PCM1: variants seen among roughly 807,000 people sequenced by gnomAD.
PCM1 encodes pericentriolar material 1 protein.
In PCM1, 157 loss-of-function variants were observed where a neutral mutation model predicts 241.9. The observed-to-expected ratio is 0.65, with a 90% confidence interval of 0.57 to 0.74. PCM1 has a LOEUF of 0.74. Among genes scored for constraint, PCM1 ranks in the 30% least tolerant of loss-of-function variants. The probability of loss-of-function intolerance (pLI) is 0.00; values close to 1 mark genes in which losing one functional copy is unlikely to be tolerated. For synonymous variants in PCM1, 1,085 were observed against 784.9 expected (o/e 1.38, Z -6.39); for missense variants, 3,478 against 2,360.1 (o/e 1.47, Z -9.81).
Position 17,956,672 on chromosome 8 carries a change from C to T in PCM1, c.1541C>T (p.Ser514Leu), listed in dbSNP as rs1458460626. ...TTAGTTCATTATTATGAACAAACGT[C>T]AGACATGATGACAGATGCTGTGAAT... ...RELVHYYEQT[S>L]DMMTDAVNEN... The change falls in exon 11 of 39, where the codon TCA becomes TTA. Residue 514 changes from serine (S) to leucine (L), a missense_variant. Physicochemically the swap from Ser to Leu is moderately radical, Grantham distance 145. Coordinates refer to ENST00000325083, the MANE Select transcript of PCM1 (RefSeq NM_006197.4). 6.2e-7 allele frequency: 1 copy of T among 1,601,486 alleles called. No individual in the cohort carries two copies. Among genetic ancestry groups the T allele is most frequent in the African/African-American group, 1.3e-5 (1 of 74,836 alleles).
chr8:17,979,591 A>G (rs980491296), intron 23 of PCM1, among the ~76,000 whole-genome samples: 5 of 152,346 alleles, frequency 3.3e-5, no homozygotes, highest in Middle Eastern at 6.8e-3. Flanking sequence ...TTTAACAAGG[A>G]AAGTACTAGG....
rs200080883 is a variant in PCM1 at position 17,939,716 on chromosome 8, G to A, written c.638G>A (p.Arg213His). ...SQIVSRLVQI[R>H]DYITKASSMR... ...ATTGTAAGCAGGCTTGTTCAAATTC[G>A]CGATTATATTACTAAAGCTAGTTCC... is the stretch of plus-strand genomic sequence containing the variant. The change falls in exon 6 of 39, where the codon CGC becomes CAC. Residue 213 changes from arginine to histidine, a missense_variant. Arg to His is a conservative substitution (Grantham distance 29). Coordinates refer to ENST00000325083, the MANE Select transcript of PCM1 (RefSeq NM_006197.4). 368 of 1,536,684 alleles carry A rather than the reference G, an allele frequency of 2.4e-4. No homozygotes were observed. Among genetic ancestry groups the A allele is most frequent in the Middle Eastern group, 5.1e-4 (3 of 5,868 alleles).
At chr8:18,027,048 A>G (rs970679923) in intron 38 of PCM1, among the ~76,000 whole-genome samples, 1 of 152,210 alleles carries the variant, frequency 6.6e-6, no homozygotes, top group African/African-American at 2.4e-5. Flanking sequence ...ATCAGGATCA[A>G]AGGGTTTTCT....
rs1013053691 is a variant in PCM1, at chr8:17,950,646, C to T, written c.993C>T (p.Gly331=). The T allele has an allele frequency of 6.2e-6, 10 of 1,603,816 alleles. No individual in the cohort carries two copies. Among genetic ancestry groups the T allele is most frequent in the African/African-American group, 4.0e-5 (3 of 74,764 alleles). ...CAGAAACTGCAGGTAGCTTATCTGG[C>T]GTCAGTATCACATCTGAACTAAATG... is the stretch of plus-strand genomic sequence containing the variant. ...VVAETAGSLS[G]VSITSELNEE... The change falls in exon 8 of 39, where the codon GGC becomes GGT. Residue 331 remains glycine (G), a synonymous_variant. Coordinates refer to ENST00000325083, the MANE Select transcript of PCM1 (RefSeq NM_006197.4).
chr8:17,972,392 A>G lies in PCM1; in HGVS notation c.3648A>G (p.Glu1216=), dbSNP rs1354529209. 1 of 1,600,676 alleles carries G rather than the reference A, an allele frequency of 6.2e-7. No homozygotes were observed. The highest frequency in any genetic ancestry group is 2.2e-5 in the East Asian group (1 of 44,668). ...GGACACCATGGTTATATGAACAAGA[A>G]GGTGAAGTAGAGAAACCATTTATCA... ...SSRTPWLYEQ[E]GEVEKPFIKT... is the part of the protein sequence containing the mutation. Residue 1216 remains glutamate, a synonymous_variant, in exon 23 of 39, where the codon GAA becomes GAG. Coordinates refer to ENST00000325083, the MANE Select transcript of PCM1 (RefSeq NM_006197.4).
At chr8:17,939,947 GGAGTT>G (rs2061544420) in intron 6 of PCM1, 86 bp downstream of exon 6, 1 of 1,101,482 alleles carries the variant, frequency 9.1e-7, no homozygotes. Context: ...CCACCCCAGA[GGAGTT>G]AACATATTTT....
chr8:18,020,774 C>CCAAT (rs1349482543), intron 36 of PCM1, among the ~76,000 whole-genome samples: 1 of 152,124 alleles, frequency 6.6e-6, no homozygotes, highest in Non-Finnish European at 1.5e-5. Context: ...TAGCAAAATG[C>CCAAT]CAATCATTTT....
Position 17,966,441 on chromosome 8 carries a change from T to C in PCM1, c.3189T>C (p.Thr1063=). ...TGCACCAGTTGAACCAGTGCTATACTCAGCTAACATGGCAACAGAATAATG... is the reference window on the plus strand; with the variant it reads ...TGCACCAGTTGAACCAGTGCTATACCCAGCTAACATGGCAACAGAATAATG... ...FIMHQLNQCY[T]QLTWQQNNVQ... is the part of the protein sequence containing the mutation. Residue 1063 remains threonine (T), a synonymous_variant, in exon 20 of 39, where the codon ACT becomes ACC. Transcript: ENST00000325083. The C allele has an allele frequency of 6.2e-7, 1 of 1,613,788 alleles. No homozygotes were observed.
intron 2 of PCM1, among the ~76,000 whole-genome samples, chr8:17,933,796 T>A (rs2129448198): frequency 6.6e-6 from 1 of 152,180 alleles, no homozygotes; most frequent in East Asian, 1.9e-4. Flanking sequence ...CATATTTGTC[T>A]GCTTGATAGA....
rs747995686 is a variant in PCM1, at chr8:17,953,094, A to C, written c.1196A>C (p.Lys399Thr). 2.5e-6 allele frequency: 4 copies of C among 1,602,960 alleles called. No individual in the cohort carries two copies. The highest frequency in any genetic ancestry group is 3.4e-6 in the Non-Finnish European group (4 of 1,174,068). ...LPDEKVELFSKMRVLQEKKQK... is the reference protein window; with the variant it reads ...LPDEKVELFSTMRVLQEKKQK... ...GATGAGAAAGTCGAACTTTTTAGCAAAATGAGAGTGCTACAGGAAAAGAAA... is the reference window on the plus strand; with the variant it reads ...GATGAGAAAGTCGAACTTTTTAGCACAATGAGAGTGCTACAGGAAAAGAAA... The change falls in exon 9 of 39, where the codon AAA (lysine) becomes ACA (threonine). Residue 399 changes from lysine to threonine, a missense_variant. By Grantham distance (78) the Lys-to-Thr change is moderately conservative. Coordinates refer to ENST00000325083, the MANE Select transcript of PCM1 (RefSeq NM_006197.4).
At chr8:18,012,816 A>G (rs942346617) in intron 34 of PCM1, among the ~76,000 whole-genome samples, 1 of 151,820 alleles carries the variant, frequency 6.6e-6, no homozygotes, top group Admixed American at 6.6e-5. Flanking sequence ...TTACTTTGAG[A>G]GATTTTCTTT....
intron 2 of PCM1, among the ~76,000 whole-genome samples, chr8:17,931,713 T>G (rs2059097032): frequency 6.6e-6 from 1 of 152,206 alleles, no homozygotes; most frequent in African/African-American, 2.4e-5. Context: ...CTTTTAGTAC[T>G]TTTAAATATG....
rs1391422412 is a variant in PCM1, at chr8:18,028,406, A to G, written c.*744A>G. ...TAAAAAAAATAAGCTTTATATAATT[A>G]GGGAGATTTCTGCACAGAGAAGTAA... is the stretch of plus-strand genomic sequence containing the variant. On this transcript the variant is annotated 3_prime_UTR_variant, in exon 39 of 39. Transcript: ENST00000325083. The G allele has an allele frequency of 5.2e-6, 1 of 193,152 alleles. No individual in the cohort carries two copies. The highest frequency in any genetic ancestry group is 1.1e-5 in the Non-Finnish European group (1 of 92,548). 12.0% of individuals were successfully genotyped at this position (193,152 alleles called of 1,614,324 possible).
chr8:17,983,704 C>T (rs997484935), intron 24 of PCM1, among the ~76,000 whole-genome samples: 1 of 152,024 alleles, frequency 6.6e-6, no homozygotes, highest in African/African-American at 2.4e-5. Context: ...CATGCAAAGA[C>T]GTGATAAATA....
chr8:17,953,268 A>T, intron 9 of PCM1, 82 bp downstream of exon 9: 1 of 667,626 alleles, frequency 1.5e-6, no homozygotes, highest in Non-Finnish European at 2.4e-6. Context: ...GTATTTGGTG[A>T]ATGAACACAT....
chr8:17,959,575 C>CTCTAGAGCAATTAGTTT (rs1554667505), intron 13 of PCM1, among the ~76,000 whole-genome samples: 5 of 151,628 alleles, frequency 3.3e-5, no homozygotes, highest in Admixed American at 6.6e-5. Context: ...CTTAATTGGT[C>CTCTAGAGCAATTAGTTT]TCTAGAGAGC....
At chr8:18,027,563 T>A in intron 38 of PCM1, 74 bp from the exon 39 acceptor site, 2 of 1,056,020 alleles carry the variant, frequency 1.9e-6, no homozygotes, top group Non-Finnish European at 2.8e-6. Flanking sequence ...GTAAAAGCTT[T>A]AATGACAGAG....
In PCM1 at chr8:17,956,841, G is replaced by A. The variant is rs561250671; in HGVS notation, c.1646+64G>A. 7.9e-5 allele frequency: 99 copies of A among 1,254,826 alleles called. 1 individual carries two copies. The highest frequency in any genetic ancestry group is 7.4e-4 in the South Asian group (56 of 75,734). The allele number at this position is 1,254,826 out of a possible 1,614,324, so 77.7% of individuals were successfully genotyped here. A position where few individuals can be genotyped will look rare whatever the true frequency, so the allele number is the denominator to read the frequency against. On this transcript the variant is annotated intron_variant, in intron 11 of 38. Coordinates refer to ENST00000325083, the MANE Select transcript of PCM1 (RefSeq NM_006197.4). ...TTCTGTCTTGATACTTATAATGTGGGAACAAAAATACTTCGTTGTAGTATT... is the reference window on the plus strand; with the variant it reads ...TTCTGTCTTGATACTTATAATGTGGAAACAAAAATACTTCGTTGTAGTATT...
chr8:17,960,156 A>C lies in PCM1; in HGVS notation c.2183A>C (p.Glu728Ala). 6.4e-7 allele frequency: 1 copy of C among 1,572,536 alleles called. No homozygotes were observed. Among genetic ancestry groups the C allele is most frequent in the Non-Finnish European group, 8.6e-7 (1 of 1,159,504 alleles). The stretch of plus-strand genomic sequence containing the variant: ...ACACAGAAAGATACTGGAGTAAATG[A>C]AAAGGCAAGGTATGTTAAGCTTTTG... ...NKTQKDTGVN[E>A]KAREKFYEAK... is the part of the protein sequence containing the mutation. The change falls in exon 14 of 39, where the codon GAA (glutamate) becomes GCA (alanine). Residue 728 changes from glutamate (E) to alanine (A), a missense_variant. Glu to Ala is a moderately radical substitution (Grantham distance 107). Coordinates refer to ENST00000325083, the MANE Select transcript of PCM1 (RefSeq NM_006197.4).
Sources: gnomAD v4.1 joint callset for allele counts (sites outside exome capture counted in the v4.1 genomes callset) on GRCh38, gnomAD v4.1.1 for gene constraint, MANE v1.5 for transcripts, NCBI Gene and HGNC (gene_info 2026-07-23, HGNC 2026-07-21) for gene names.